HECW2: variants seen among roughly 807,000 people sequenced by gnomAD.
HECW2 encodes HECT, C2 and WW domain containing E3 ubiquitin protein ligase 2.
HECW2 carries 61 observed loss-of-function variants against 175.2 expected under a neutral mutation model. The observed-to-expected ratio is 0.35, with a 90% CI of 0.28 to 0.43. The LOEUF (loss-of-function observed/expected upper bound fraction) is 0.43, where lower values mean the gene tolerates loss of function less well. HECW2 is among the 20% of genes least tolerant of loss of function. The pLI is 1.00. For synonymous variants in HECW2, 671 were observed against 731.0 expected (o/e 0.92, Z 1.32); for missense variants, 1,524 against 2,000.5 (o/e 0.76, Z 4.54).
At chr2:196,557,874 T>C (rs927479157) in intron 1 of HECW2, among the ~76,000 whole-genome samples, 1 of 152,220 alleles carries the variant, frequency 6.6e-6, no homozygotes, top group African/African-American at 2.4e-5. Context: ...TGTTTTATTT[T>C]ACATTTTCTA....
chr2:196,472,208 G>A (rs1009234423), intron 1 of HECW2, among the ~76,000 whole-genome samples: 7 of 152,082 alleles, frequency 4.6e-5, no homozygotes, highest in African/African-American at 9.7e-5. Flanking sequence ...AACAGGCTGG[G>A]TGTGGTGGCT....
At position 196,325,018 on chromosome 2, in the gene HECW2, T is replaced by C. The variant is rs375335946; in HGVS notation, c.703A>G (p.Ile235Val). 21 of 1,604,892 alleles carry C rather than the reference T, an allele frequency of 1.3e-5. No homozygotes were observed. The highest frequency in any genetic ancestry group is 1.7e-5 in the Non-Finnish European group (20 of 1,177,200). Residue 235 changes from isoleucine (I) to valine (V), a missense_variant, in exon 6 of 29, where the codon ATC becomes GTC. This residue lies in a region of HECW2 where 95 missense variants were observed against 136.8 expected (regional missense o/e 0.69). Coordinates refer to ENST00000644978, the MANE Select transcript of HECW2 (RefSeq NM_001348768.2). Reference sequence around the variant, plus strand: ...ATTGGATTGGTGGTGTTACTGATGATAGTAGACCGTCTCTCCTGCCCGTGG... The same window carrying C: ...ATTGGATTGGTGGTGTTACTGATGACAGTAGACCGTCTCTCCTGCCCGTGG... ...AHHGQERRST[I>V]ISNTTNPIWH... is the part of the protein sequence containing the mutation.
Position 196,307,243 on chromosome 2 carries a change from T to C in HECW2, c.2586-10A>G, listed in dbSNP as rs752999349. On this transcript the variant is annotated splice_polypyrimidine_tract_variant and intron_variant, in intron 11 of 28. Coordinates refer to ENST00000644978, the MANE Select transcript of HECW2 (RefSeq NM_001348768.2). ...GCGGATACTCTGATATCTAAAATCA[T>C]GAGCCTAGAGTTACATTCCAGCAGC... is the stretch of plus-strand genomic sequence containing the variant. The C allele has an allele frequency of 8.2e-6, 13 of 1,580,416 alleles. No homozygotes were observed. Among genetic ancestry groups the C allele is most frequent in the Non-Finnish European group, 1.1e-5 (13 of 1,149,388 alleles).
chr2:196,439,715 T>C (rs760204354), intron 1 of HECW2, among the ~76,000 whole-genome samples: 4 of 151,880 alleles, frequency 2.6e-5, no homozygotes, highest in Non-Finnish European at 4.4e-5. Context: ...TGACCAACAG[T>C]AGGGAGTGGG....
At chr2:196,275,459 C>T (rs559505782) in intron 15 of HECW2, among the ~76,000 whole-genome samples, 33 of 151,978 alleles carry the variant, frequency 2.2e-4, no homozygotes, top group African/African-American at 7.0e-4. Flanking sequence ...ATTAAGAATG[C>T]GGGAAATGTG....
intron 1 of HECW2, among the ~76,000 whole-genome samples, chr2:196,462,775 C>G (rs1696797892): frequency 6.6e-6 from 1 of 151,810 alleles, no homozygotes; most frequent in Non-Finnish European, 1.5e-5. Flanking sequence ...CAGGTCAAAA[C>G]AACTGTACTT....
chr2:196,556,237 AATG>A (rs1380738851), intron 1 of HECW2, among the ~76,000 whole-genome samples: 6 of 152,174 alleles, frequency 3.9e-5, no homozygotes, highest in Non-Finnish European at 7.3e-5. Flanking sequence ...TGCATTATGA[AATG>A]ATTACCAAAA....
intron 2 of HECW2, among the ~76,000 whole-genome samples, chr2:196,429,031 C>A (rs1460955011): frequency 6.6e-6 from 1 of 152,188 alleles, no homozygotes; most frequent in African/African-American, 2.4e-5. Context: ...GATGCAACAG[C>A]TCAAGAAATC....
At chr2:196,269,071 T>A in intron 17 of HECW2, among the ~76,000 whole-genome samples, 1 of 152,358 alleles carries the variant, frequency 6.6e-6, no homozygotes, top group African/African-American at 2.4e-5. Context: ...CAAATGTTAT[T>A]AACCATGTGA....
intron 14 of HECW2, chr2:196,288,133 G>A (rs190391850): frequency 6.6e-6 from 1 of 152,270 alleles, no homozygotes; most frequent in African/African-American, 2.4e-5. Flanking sequence ...CAATGTCTAG[G>A]AAAGGGATGG....
intron 1 of HECW2, among the ~76,000 whole-genome samples, chr2:196,512,147 T>C (rs899813085): frequency 2.0e-5 from 3 of 152,230 alleles, no homozygotes; most frequent in African/African-American, 7.2e-5. Context: ...AGGCAGGATG[T>C]AACTTTCATT....
At position 196,468,121 on chromosome 2, in the gene HECW2, A is replaced by G. The variant is rs146246113; in HGVS notation, c.-35-34663T>C. On this transcript the variant is annotated intron_variant, in intron 1 of 28. Coordinates refer to ENST00000644978, the MANE Select transcript of HECW2 (RefSeq NM_001348768.2). ...GCAATTCTCCTGCCTCAGCCTCCCGAGTAGCTGGTATTACAGGCACATGCC... is the reference window on the plus strand; with the variant it reads ...GCAATTCTCCTGCCTCAGCCTCCCGGGTAGCTGGTATTACAGGCACATGCC... Among the ~76,000 whole-genome samples, 111 of 152,172 alleles carry G rather than the reference A, an allele frequency of 7.3e-4. 1 individual carries two copies. In the East Asian group the frequency reaches 0.02, roughly 28 times the overall value.
chr2:196,305,043 C>T (rs566223919), intron 13 of HECW2, among the ~76,000 whole-genome samples: 1 of 152,320 alleles, frequency 6.6e-6, no homozygotes, highest in Admixed American at 6.5e-5. Flanking sequence ...GTCTATGGCC[C>T]CTTCCATGTG....
intron 13 of HECW2, among the ~76,000 whole-genome samples, chr2:196,294,028 TC>T (rs1690709799): frequency 6.6e-6 from 1 of 152,178 alleles, no homozygotes; most frequent in African/African-American, 2.4e-5. Flanking sequence ...CATTCTTTTT[TC>T]TTTTTTTCTC....
At chr2:196,575,410 G>A (rs1690527268) in intron 1 of HECW2, among the ~76,000 whole-genome samples, 1 of 152,104 alleles carries the variant, frequency 6.6e-6, no homozygotes, top group Non-Finnish European at 1.5e-5. Context: ...TCATTTCTGG[G>A]TATATAACCC....
At chr2:196,501,468 C>T (rs936480954) in intron 1 of HECW2, among the ~76,000 whole-genome samples, 6 of 152,054 alleles carry the variant, frequency 3.9e-5, no homozygotes, top group African/African-American at 7.2e-5. Flanking sequence ...CCAGGTTGGT[C>T]TCAAACTCCT....
At chr2:196,285,681 T>G (rs1690360346) in intron 14 of HECW2, among the ~76,000 whole-genome samples, 1 of 152,220 alleles carries the variant, frequency 6.6e-6, no homozygotes, top group South Asian at 2.1e-4. Context: ...ATTTTCTTTA[T>G]GTCTTAGACA....
rs188022027 is a variant in HECW2, at chr2:196,528,774, C to A, written c.-36+64734G>T. 3.7e-3 allele frequency among the ~76,000 whole-genome samples: 564 copies of A among 152,318 alleles called. 1 individual carries two copies. Among genetic ancestry groups the A allele is most frequent in the Middle Eastern group, 6.8e-3 (2 of 294 alleles). ...AGAATGAGGAGAAAGAATTCCACAT[C>A]CCTCTAACTTTTCATTCTGCAGAAC... On this transcript the variant is annotated intron_variant, in intron 1 of 28. Transcript: ENST00000644978.
intron 22 of HECW2, 30 bp from the exon 23 acceptor site, chr2:196,225,900 A>G: frequency 7.2e-7 from 1 of 1,386,652 alleles, no homozygotes; most frequent in Non-Finnish European, 1.0e-6. Flanking sequence ...GATGGCTTAC[A>G]TGTCATGGAG....
Sources: gnomAD v4.1 joint callset for allele counts (sites outside exome capture counted in the v4.1 genomes callset) on GRCh38, gnomAD v4.1.1 for gene constraint, gnomAD v4.1.1 regional missense constraint, MANE v1.5 for transcripts, NCBI Gene and HGNC (gene_info 2026-07-23, HGNC 2026-07-21) for gene names.